The following SRPK2 variants were observed in gnomAD, a reference collection of about 807,000 sequenced individuals.
The protein encoded by SRPK2 is SRSF protein kinase 2, also known as SFRS protein kinase 2.
A neutral mutation model predicts 90.8 loss-of-function variants in SRPK2; 21 were observed. The observed-to-expected ratio is 0.23, with a 90% CI of 0.16 to 0.33. The LOEUF (loss-of-function observed/expected upper bound fraction) is 0.33, where lower values mean the gene tolerates loss of function less well. SRPK2 is among the 10% of genes least tolerant of loss of function. The probability of loss-of-function intolerance (pLI) is 1.00; values close to 1 mark genes in which losing one functional copy is unlikely to be tolerated. For synonymous variants in SRPK2, 288 were observed against 311.1 expected, an observed-to-expected ratio of 0.93 and a Z score of 0.78; for missense variants, 620 against 869.0, an observed-to-expected ratio of 0.71 and a Z score of 3.60.
intron 2 of SRPK2, among the ~76,000 whole-genome samples, chr7:105,376,425 T>A (rs1820307543): frequency 6.6e-6 from 1 of 152,040 alleles, no homozygotes; most frequent in Admixed American, 6.6e-5. Context: ...AAACCTGTGC[T>A]ATAATCCCAC....
chr7:105,329,673 C>T lies in SRPK2; in HGVS notation c.71+58975G>A, dbSNP rs573536654. On this transcript the variant is annotated intron_variant, in intron 2 of 15. Transcript: ENST00000393651. ...GGAAAGGGTACAGAAAATGAAGTGA[C>T]ACCCAATTCAGCATTTTTCCCCATT... 7.2e-5 allele frequency among the ~76,000 whole-genome samples: 11 copies of T among 151,900 alleles called. No homozygotes were observed. In the East Asian group the frequency reaches 2.1e-3, roughly 29 times the overall value.
At chr7:105,177,346 A>G (rs1381888451) in intron 3 of SRPK2, among the ~76,000 whole-genome samples, 1 of 152,180 alleles carries the variant, frequency 6.6e-6, no homozygotes, top group Non-Finnish European at 1.5e-5. Flanking sequence ...CAATGAAAGG[A>G]TATCTTTAGA....
intron 2 of SRPK2, among the ~76,000 whole-genome samples, chr7:105,369,300 C>T (rs1005777906): frequency 1.2e-4 from 18 of 152,030 alleles, no homozygotes; most frequent in African/African-American, 3.9e-4. Flanking sequence ...GAGCATGCAA[C>T]CAGGCCCAGC....
At chr7:105,281,566 C>T (rs1258259619) in intron 2 of SRPK2, among the ~76,000 whole-genome samples, 1 of 151,776 alleles carries the variant, frequency 6.6e-6, no homozygotes, top group Non-Finnish European at 1.5e-5. Context: ...GCAGGAGGAT[C>T]ACTTGAGCCT....
intron 2 of SRPK2, among the ~76,000 whole-genome samples, chr7:105,229,386 C>G (rs1252775583): frequency 2.6e-5 from 4 of 152,010 alleles, no homozygotes; most frequent in African/African-American, 9.7e-5. Context: ...ATGGCGTGAA[C>G]CCGGGAGGCG....
At chr7:105,325,264 G>A (rs1257687155) in intron 2 of SRPK2, among the ~76,000 whole-genome samples, 1 of 152,078 alleles carries the variant, frequency 6.6e-6, no homozygotes, top group Non-Finnish European at 1.5e-5. Flanking sequence ...AAATAGCTAG[G>A]CTTACAATTA....
In SRPK2 at chr7:105,133,542, G is replaced by A. The variant is rs192040778; in HGVS notation, c.1544-438C>T. ...CTGCTGTGGGGGCCGATCACTCTCAGTGACACACAGTTCCTTGGACGCCAC... is the reference window on the plus strand; with the variant it reads ...CTGCTGTGGGGGCCGATCACTCTCAATGACACACAGTTCCTTGGACGCCAC... On this transcript the variant is annotated intron_variant, in intron 11 of 15. Transcript: ENST00000393651. Among the ~76,000 whole-genome samples the A allele has an allele frequency of 4.3e-4, 65 of 152,294 alleles. No homozygotes were observed. In the East Asian group the frequency reaches 0.011, roughly 25 times the overall value.
intron 2 of SRPK2, among the ~76,000 whole-genome samples, chr7:105,216,136 C>T (rs1460411284): frequency 6.6e-6 from 1 of 151,410 alleles, no homozygotes; most frequent in African/African-American, 2.4e-5. Flanking sequence ...ACTGAAAAAC[C>T]ACTGAATGGT....
intron 3 of SRPK2, among the ~76,000 whole-genome samples, chr7:105,201,283 T>A (rs1795515583): frequency 1.3e-5 from 2 of 152,128 alleles, no homozygotes; most frequent in Admixed American, 1.3e-4. Context: ...TACAAGTTAC[T>A]TACCAAATTT....
At chr7:105,131,104 C>T (rs1801937510) in intron 13 of SRPK2, among the ~76,000 whole-genome samples, 1 of 152,228 alleles carries the variant, frequency 6.6e-6, no homozygotes, top group African/African-American at 2.4e-5. Flanking sequence ...ACATCCGTGA[C>T]TGCGTCCTAT....
rs1563315577 is a variant in SRPK2, at chr7:105,383,052, A to ATTTTTTTTTTTTT, written c.71+5595_71+5596insAAAAAAAAAAAAA. Among the ~76,000 whole-genome samples the ATTTTTTTTTTTTT allele has an allele frequency of 1.8e-4, 19 of 105,322 alleles. 7 individuals carry two copies. Among genetic ancestry groups the ATTTTTTTTTTTTT allele is most frequent in the African/African-American group, 3.8e-4 (10 of 26,556 alleles). The allele number at this position is 105,322 out of a possible 152,430, so 69.1% of individuals were successfully genotyped here. On this transcript the variant is annotated intron_variant, in intron 2 of 15. Coordinates refer to ENST00000393651, the MANE Select transcript of SRPK2 (RefSeq NM_182692.3). ...AGTCTGAAATTATTTCAAAAGTAAA[A>ATTTTTTTTTTTTT]ATTTTTTTTTTTTTTTTTTTTTTTT...
At chr7:105,248,324 C>T (rs1801994387) in intron 2 of SRPK2, among the ~76,000 whole-genome samples, 1 of 151,202 alleles carries the variant, frequency 6.6e-6, no homozygotes, top group African/African-American at 2.4e-5. Context: ...GGGGTGGTGG[C>T]ACAAGTACTT....
chr7:105,196,913 G>T (rs1794983904), intron 3 of SRPK2, among the ~76,000 whole-genome samples: 1 of 152,052 alleles, frequency 6.6e-6, no homozygotes, highest in South Asian at 2.1e-4. Flanking sequence ...AGCTGAGCAT[G>T]GTGGTGCATG....
chr7:105,347,545 G>A (rs939934069), intron 2 of SRPK2, among the ~76,000 whole-genome samples: 3 of 152,000 alleles, frequency 2.0e-5, no homozygotes, highest in African/African-American at 7.2e-5. Context: ...AAGAATGAGG[G>A]GGAGGGGGAG....
intron 2 of SRPK2, among the ~76,000 whole-genome samples, chr7:105,258,650 A>G (rs545533895): frequency 6.6e-6 from 1 of 152,250 alleles, no homozygotes; most frequent in South Asian, 2.1e-4. Flanking sequence ...ATACTGGCAA[A>G]CTGAATCCAG....
chr7:105,236,498 C>A (rs1417932058), intron 2 of SRPK2, among the ~76,000 whole-genome samples: 1 of 151,910 alleles, frequency 6.6e-6, no homozygotes, highest in Non-Finnish European at 1.5e-5. Context: ...GTATTATCAC[C>A]TCTGATATAA....
chr7:105,288,803 T>C (rs1349342668), intron 2 of SRPK2, among the ~76,000 whole-genome samples: 2 of 152,008 alleles, frequency 1.3e-5, no homozygotes, highest in African/African-American at 2.4e-5. Context: ...TCCTGGACCA[T>C]GCAGAGGAGG....
Position 105,339,293 on chromosome 7 carries a change from T to C in SRPK2, c.71+49355A>G, listed in dbSNP as rs1055925591. On this transcript the variant is annotated intron_variant, in intron 2 of 15. Transcript: ENST00000393651. The stretch of plus-strand genomic sequence containing the variant: ...GAGGTACAAAAAGCCATTCCTCCTC[T>C]AGTTAAATAATCCAAACTAGTTTTG... Among the ~76,000 whole-genome samples the C allele has an allele frequency of 2.0e-5, 3 of 152,216 alleles. No homozygotes were observed. The East Asian group carries it at 5.8e-4, about 29-fold the overall frequency.
chr7:105,312,587 T>C (rs1360846779), intron 2 of SRPK2, among the ~76,000 whole-genome samples: 1 of 152,208 alleles, frequency 6.6e-6, no homozygotes, highest in Non-Finnish European at 1.5e-5. Flanking sequence ...GCAATTTTAA[T>C]GGAGCGCCTG....
Sources: gnomAD v4.1 joint callset for allele counts (sites outside exome capture counted in the v4.1 genomes callset) on GRCh38, gnomAD v4.1.1 for gene constraint, MANE v1.5 for transcripts, NCBI Gene and HGNC (gene_info 2026-07-23, HGNC 2026-07-21) for gene names.